The following MITF variants were observed in gnomAD, a reference collection of about 807,000 sequenced individuals.
The protein encoded by MITF is melanocyte inducing transcription factor, also known as microphthalmia-associated transcription factor.
A neutral mutation model predicts 60.5 loss-of-function variants in MITF; 17 were observed. The observed-to-expected ratio is 0.28, with a 90% CI of 0.19 to 0.42. MITF has a LOEUF of 0.42. MITF is among the 10% of genes least tolerant of loss of function. The pLI is 1.00. For synonymous variants in MITF, 260 were observed against 248.5 expected (o/e 1.05, Z -0.43); for missense variants, 622 against 683.5 (o/e 0.91, Z 1.00).
Position 69,965,277 on chromosome 3 carries a change from A to G in MITF, c.*29A>G, listed in dbSNP as rs1195404071. 6 of 1,605,522 alleles carry G rather than the reference A, an allele frequency of 3.7e-6. No homozygotes were observed. Among genetic ancestry groups the G allele is most frequent in the African/African-American group, 1.3e-5 (1 of 74,934 alleles). ...ATCCTCCCTGCACTGCATTCGCACAAACTGCTTCCTTTCTTGATTCGTAGA... is the reference window on the plus strand; with the variant it reads ...ATCCTCCCTGCACTGCATTCGCACAGACTGCTTCCTTTCTTGATTCGTAGA... On this transcript the variant is annotated 3_prime_UTR_variant, in exon 10 of 10. Transcript: ENST00000352241.
In MITF at chr3:69,964,997, T is replaced by C. The variant is rs777788246; in HGVS notation, c.1330T>C (p.Cys444Arg). 1.2e-6 allele frequency: 2 copies of C among 1,614,112 alleles called. No homozygotes were observed. The highest frequency in any genetic ancestry group is 1.1e-5 in the South Asian group (1 of 91,084). Residue 444 changes from cysteine (C) to arginine (R), a missense_variant, in exon 10 of 10, where the codon TGT becomes CGT. By Grantham distance (180) the Cys-to-Arg change is radical. Transcript: ENST00000352241. ...DLLQHHADLT[C>R]TTTLDLTDGT... is the part of the protein sequence containing the mutation. ...CCTTCAGCATCATGCAGACCTAACCTGTACAACAACTCTCGATCTCACGGA... is the reference window on the plus strand; with the variant it reads ...CCTTCAGCATCATGCAGACCTAACCCGTACAACAACTCTCGATCTCACGGA...
At chr3:69,913,485 G>A (rs1274363166) in intron 2 of MITF, among the ~76,000 whole-genome samples, 1 of 152,092 alleles carries the variant, frequency 6.6e-6, no homozygotes, top group Non-Finnish European at 1.5e-5. Flanking sequence ...AGTAATCTAA[G>A]GTTTTTCTAA....
intron 1 of MITF, among the ~76,000 whole-genome samples, chr3:69,752,909 G>A (rs1351451849): frequency 1.3e-5 from 2 of 152,174 alleles, no homozygotes; most frequent in Non-Finnish European, 2.9e-5. Flanking sequence ...GTTTCCTGAG[G>A]CCTCCCCTGA....
chr3:69,806,462 C>T (rs2106972812), intron 1 of MITF, among the ~76,000 whole-genome samples: 2 of 151,932 alleles, frequency 1.3e-5, no homozygotes, highest in Middle Eastern at 6.8e-3. Context: ...TTTTTTTTAA[C>T]TTTGGGGGTC....
intron 1 of MITF, among the ~76,000 whole-genome samples, chr3:69,846,790 C>A (rs1212037868): frequency 1.4e-5 from 2 of 142,492 alleles, no homozygotes; most frequent in Non-Finnish European, 3.0e-5. Flanking sequence ...TCACTCCAGC[C>A]TGGGCAACAG....
intron 2 of MITF, among the ~76,000 whole-genome samples, chr3:69,897,937 T>A (rs901542943): frequency 2.0e-5 from 3 of 152,210 alleles, no homozygotes. Flanking sequence ...GAATGGGAGT[T>A]GATATACAAA....
At chr3:69,749,578 A>G (rs1346628665) in intron 1 of MITF, among the ~76,000 whole-genome samples, 1 of 152,236 alleles carries the variant, frequency 6.6e-6, no homozygotes, top group African/African-American at 2.4e-5. Context: ...GGTGACCCCA[A>G]ATATGCATTC....
intron 1 of MITF, among the ~76,000 whole-genome samples, chr3:69,827,114 C>T (rs115080373): frequency 0.019 from 2,886 of 152,270 alleles, 41 homozygotes; most frequent in Non-Finnish European, 0.029. Context: ...TCTTTGACAG[C>T]CTCTCACCAG....
chr3:69,834,104 A>G lies in MITF; in HGVS notation c.105-45030A>G, dbSNP rs190698084. Among the ~76,000 whole-genome samples the G allele has an allele frequency of 1.1e-4, 17 of 152,338 alleles. No homozygotes were observed. In the Middle Eastern group the frequency reaches 0.014, roughly 122 times the overall value. ...TTTGACACGTGTGTGTTGCATAATG[A>G]TCAAATCAGCATAGTTAACATATCT... is the stretch of plus-strand genomic sequence containing the variant. On this transcript the variant is annotated intron_variant, in intron 1 of 9. Transcript: ENST00000352241.
intron 1 of MITF, among the ~76,000 whole-genome samples, chr3:69,778,253 G>A (rs561017067): frequency 6.6e-6 from 1 of 152,126 alleles, no homozygotes; most frequent in African/African-American, 2.4e-5. Flanking sequence ...TGGGGAGGAT[G>A]AATATTAATT....
At chr3:69,949,413 G>T (rs2066185287) in intron 6 of MITF, among the ~76,000 whole-genome samples, 1 of 152,008 alleles carries the variant, frequency 6.6e-6, no homozygotes, top group Admixed American at 6.6e-5. Flanking sequence ...CACCATTACT[G>T]CATGTCACCA....
chr3:69,772,137 G>A (rs2062404089), intron 1 of MITF, among the ~76,000 whole-genome samples: 1 of 152,144 alleles, frequency 6.6e-6, no homozygotes, highest in Non-Finnish European at 1.5e-5. Context: ...ACATGAAAGA[G>A]CATAAACTGC....
chr3:69,742,354 C>T (rs1249937543), intron 1 of MITF, among the ~76,000 whole-genome samples: 1 of 152,068 alleles, frequency 6.6e-6, no homozygotes, highest in African/African-American at 2.4e-5. Context: ...ATTATCTGGT[C>T]CCAAATTGTT....
At chr3:69,901,400 A>T (rs1037196884) in intron 2 of MITF, among the ~76,000 whole-genome samples, 1 of 152,048 alleles carries the variant, frequency 6.6e-6, no homozygotes, top group African/African-American at 2.4e-5. Context: ...CAAGATTTAG[A>T]TAATTTTCAT....
rs1327101114 is a variant in MITF, at chr3:69,845,438, CTTTCTT to C, written c.105-33692_105-33687del. Among the ~76,000 whole-genome samples the C allele has an allele frequency of 1.2e-4, 16 of 133,682 alleles. 1 individual carries two copies. Among genetic ancestry groups the C allele is most frequent in the Admixed American group, 2.3e-4 (3 of 13,328 alleles). The allele number at this position is 133,682 out of a possible 152,430, so 87.7% of individuals were successfully genotyped here. A position where few individuals can be genotyped will look rare whatever the true frequency, so the allele number is the denominator to read the frequency against. On this transcript the variant is annotated intron_variant, in intron 1 of 9. Coordinates refer to ENST00000352241, the MANE Select transcript of MITF (RefSeq NM_001354604.2). The stretch of plus-strand genomic sequence containing the variant: ...TCTTTTCTTTTCTTTTTTCTTTTTT[CTTTCTT>C]TTTTTTTTTTTTGCTATTTCCTCAC...
chr3:69,911,811 A>G (rs2065231181), intron 2 of MITF, among the ~76,000 whole-genome samples: 1 of 152,228 alleles, frequency 6.6e-6, no homozygotes, highest in Non-Finnish European at 1.5e-5. Context: ...ACCTTCATAC[A>G]TTGCTAGTGA....
intron 2 of MITF, among the ~76,000 whole-genome samples, chr3:69,906,967 A>C: frequency 6.6e-6 from 1 of 152,110 alleles, no homozygotes; most frequent in East Asian, 1.9e-4. Context: ...CACTCTGCTA[A>C]ATACTTTATG....
At position 69,777,623 on chromosome 3, in the gene MITF, G is replaced by A. The variant is rs180843295; in HGVS notation, c.104+37922G>A. ...GAGAAGTGCTAATGGTCGCATCAAG[G>A]CCTGGATGTCAGATCCTTTCAAGTC... On this transcript the variant is annotated intron_variant, in intron 1 of 9. Transcript: ENST00000352241. Among the ~76,000 whole-genome samples the A allele has an allele frequency of 4.7e-4, 72 of 152,278 alleles. 2 individuals carry two copies. In the East Asian group the frequency reaches 0.01, roughly 22 times the overall value.
intron 1 of MITF, among the ~76,000 whole-genome samples, chr3:69,839,876 C>A (rs1307845227): frequency 1.3e-5 from 2 of 152,030 alleles, no homozygotes; most frequent in African/African-American, 4.8e-5. Flanking sequence ...AATAATTGCA[C>A]CCCATCCCCC....
Sources: gnomAD v4.1 joint callset for allele counts (sites outside exome capture counted in the v4.1 genomes callset) on GRCh38, gnomAD v4.1.1 for gene constraint, MANE v1.5 for transcripts, NCBI Gene and HGNC (gene_info 2026-07-23, HGNC 2026-07-21) for gene names.